ABLIM1: variants seen among roughly 807,000 people sequenced by gnomAD.
The protein encoded by ABLIM1 is actin-binding LIM protein 1.
ABLIM1 carries 40 observed loss-of-function variants against 107.0 expected under a neutral mutation model. The observed-to-expected ratio is 0.37, with a 90% CI of 0.29 to 0.49. The LOEUF is 0.49. Among genes scored for constraint, ABLIM1 ranks in the 20% least tolerant of loss-of-function variants. ABLIM1 has a pLI of 0.97. For synonymous variants in ABLIM1, 357 were observed against 357.3 expected, an observed-to-expected ratio of 1.00 and a Z score of 0.01; for missense variants, 857 against 1,008.5, an observed-to-expected ratio of 0.85 and a Z score of 2.04.
chr10:114,663,136 T>C (rs1488817717), upstream of ABLIM1, among the ~76,000 whole-genome samples: 3 of 152,216 alleles, frequency 2.0e-5, no homozygotes, highest in Non-Finnish European at 4.4e-5. Context: ...TCTTTTGCTT[T>C]TCCTGAAATT....
At chr10:114,571,842 C>G (rs2138806858) in intron 3 of ABLIM1, among the ~76,000 whole-genome samples, 1 of 152,272 alleles carries the variant, frequency 6.6e-6, no homozygotes, top group African/African-American at 2.4e-5. Context: ...CTTTCAGTTC[C>G]CTGGGACCGT....
At chr10:114,563,960 G>A (rs959888325) in intron 4 of ABLIM1, among the ~76,000 whole-genome samples, 1 of 144,394 alleles carries the variant, frequency 6.9e-6, no homozygotes, top group Non-Finnish European at 1.5e-5. Context: ...TTATAAACAT[G>A]AGATTTTCAT....
chr10:114,712,246 G>A (rs1030921730), intron 1 of ABLIM1, among the ~76,000 whole-genome samples: 4 of 150,902 alleles, frequency 2.7e-5, no homozygotes, highest in South Asian at 2.1e-4. Context: ...CTAGCTACTC[G>A]TGAGGCTGAG....
rs77504745 is a variant in ABLIM1 at position 114,549,015 on chromosome 10, A to G, written c.674-1239T>C. On this transcript the variant is annotated intron_variant, in intron 4 of 22. Coordinates refer to ENST00000533213, the MANE Select transcript of ABLIM1 (RefSeq NM_002313.7). The stretch of plus-strand genomic sequence containing the variant: ...ACCATCCAGAAAACCTTGAGACCCA[A>G]TCGCTGACCTGGTCCTGCTTCTTGA... Among the ~76,000 whole-genome samples the G allele has an allele frequency of 4.1e-4, 63 of 152,334 alleles. 1 individual carries two copies. In the East Asian group the frequency reaches 7.3e-3, roughly 18 times the overall value.
At chr10:114,700,609 A>G (rs1402962439) in intron 1 of ABLIM1, among the ~76,000 whole-genome samples, 1 of 147,658 alleles carries the variant, frequency 6.8e-6, no homozygotes, top group East Asian at 2.0e-4. Context: ...ATTGAAACAG[A>G]ATAGGAATTC....
chr10:114,748,524 G>A (rs1407677841), intron 1 of ABLIM1, among the ~76,000 whole-genome samples: 2 of 149,314 alleles, frequency 1.3e-5, no homozygotes, highest in Non-Finnish European at 3.0e-5. Flanking sequence ...TGTCTGCTCT[G>A]TTTGATGTGT....
intron 1 of ABLIM1, among the ~76,000 whole-genome samples, chr10:114,614,051 T>G (rs1591592868): frequency 6.6e-6 from 1 of 151,990 alleles, no homozygotes; most frequent in East Asian, 1.9e-4. Context: ...GACTATGGCT[T>G]GAAAAGAAAA....
At chr10:114,761,839 C>A (rs1484930407) in intron 1 of ABLIM1, among the ~76,000 whole-genome samples, 1 of 152,118 alleles carries the variant, frequency 6.6e-6, no homozygotes. Context: ...CCATCCTATT[C>A]TTTTTTACCT....
intron 1 of ABLIM1, among the ~76,000 whole-genome samples, chr10:114,665,051 A>T (rs1199332896): frequency 2.6e-5 from 4 of 151,194 alleles, no homozygotes. Flanking sequence ...CGGGAGGTGG[A>T]GCTTGCAGTG....
At chr10:114,558,037 C>T (rs2069030831) in intron 4 of ABLIM1, among the ~76,000 whole-genome samples, 1 of 152,062 alleles carries the variant, frequency 6.6e-6, no homozygotes, top group African/African-American at 2.4e-5. Context: ...AACTGATCTC[C>T]CATCTCCTTG....
intron 20 of ABLIM1, 53 bp downstream of exon 20, chr10:114,440,029 A>AC: frequency 6.2e-7 from 1 of 1,613,590 alleles, no homozygotes; most frequent in East Asian, 2.2e-5. Context: ...CTGGGTTGGA[A>AC]CATGGCTGTT....
intron 1 of ABLIM1, among the ~76,000 whole-genome samples, chr10:114,670,922 A>T (rs532200566): frequency 6.6e-6 from 1 of 152,250 alleles, no homozygotes; most frequent in East Asian, 1.9e-4. Context: ...TTAACGTTAA[A>T]TTTTTTATTG....
At chr10:114,745,307 T>A (rs2082361124) in intron 1 of ABLIM1, among the ~76,000 whole-genome samples, 1 of 152,246 alleles carries the variant, frequency 6.6e-6, no homozygotes, top group South Asian at 2.1e-4. Context: ...ACGCCTGTAA[T>A]CCTAGCACTT....
Position 114,658,094 on chromosome 10 carries a change from C to G in ABLIM1, c.107G>C (p.Arg36Thr). ...GACCCTCCGGTCCTCAACAATCAGTCTCTTTCTGTTCGAGCCCCTGGCACT... is the reference window on the plus strand; with the variant it reads ...GACCCTCCGGTCCTCAACAATCAGTGTCTTTCTGTTCGAGCCCCTGGCACT... ...RTSARGSNRKRLIVEDRRVSG... is the reference protein window; with the variant it reads ...RTSARGSNRKTLIVEDRRVSG... Residue 36 changes from arginine (R) to threonine (T), a missense_variant, in exon 1 of 23, where the codon AGA (arginine) becomes ACA (threonine). Arg to Thr is a moderately conservative substitution (Grantham distance 71, BLOSUM62 -1). Coordinates refer to ENST00000533213, the MANE Select transcript of ABLIM1 (RefSeq NM_002313.7). The G allele has an allele frequency of 6.2e-7, 1 of 1,614,202 alleles. No homozygotes were observed. The highest frequency in any genetic ancestry group is 8.5e-7 in the Non-Finnish European group (1 of 1,180,036).
chr10:114,599,945 T>C (rs1157568183), intron 2 of ABLIM1, among the ~76,000 whole-genome samples: 1 of 152,152 alleles, frequency 6.6e-6, no homozygotes, highest in African/African-American at 2.4e-5. Flanking sequence ...CAATGCTGAC[T>C]CCAAGTTAGC....
chr10:114,597,238 G>T (rs1451776126), intron 2 of ABLIM1, among the ~76,000 whole-genome samples: 2 of 152,210 alleles, frequency 1.3e-5, no homozygotes, highest in Non-Finnish European at 2.9e-5. Context: ...TGCTATTGCT[G>T]CTGGGACTTA....
chr10:114,652,440 G>C (rs1009749420), intron 1 of ABLIM1, among the ~76,000 whole-genome samples: 5 of 152,176 alleles, frequency 3.3e-5, no homozygotes, highest in Non-Finnish European at 7.4e-5. Flanking sequence ...TCTCACTTAC[G>C]TGATACCCTG....
intron 1 of ABLIM1, among the ~76,000 whole-genome samples, chr10:114,690,810 G>T (rs2081060513): frequency 6.6e-6 from 1 of 152,038 alleles, no homozygotes; most frequent in Admixed American, 6.6e-5. Flanking sequence ...GCCTCCCAAG[G>T]AGCTGAGACT....
rs574211970 is a variant in ABLIM1, at chr10:114,468,710, A to T, written c.1276-494T>A. Among the ~76,000 whole-genome samples, 42 of 152,234 alleles carry T rather than the reference A, an allele frequency of 2.8e-4. No homozygotes were observed. In the East Asian group the frequency reaches 7.2e-3, roughly 26 times the overall value. ...CATCTGCCATGGGGCTCAGACAGGTAGACTCTGACAAAGTTCCGGGGAGAT... is the reference window on the plus strand; with the variant it reads ...CATCTGCCATGGGGCTCAGACAGGTTGACTCTGACAAAGTTCCGGGGAGAT... On this transcript the variant is annotated intron_variant, in intron 10 of 22. Transcript: ENST00000533213.
Sources: gnomAD v4.1 joint callset for allele counts (sites outside exome capture counted in the v4.1 genomes callset) on GRCh38, gnomAD v4.1.1 for gene constraint, MANE v1.5 for transcripts, NCBI Gene and HGNC (gene_info 2026-07-23, HGNC 2026-07-21) for gene names.